Variants in UGT1A10 observed in about 807,000 individuals in gnomAD.
UGT1A10 encodes the protein UDP-glucuronosyltransferase 1A10.
In UGT1A10, 49 loss-of-function variants were observed where a neutral mutation model predicts 45.8. That is an observed-to-expected ratio of 1.07 (90% confidence interval 0.85 to 1.36). The LOEUF is 1.36. Ranked by LOEUF, UGT1A10 falls within the 40% of genes most tolerant of loss-of-function variation. UGT1A10 has a pLI of 0.00. For missense variants in UGT1A10, 745 were observed against 668.6 expected (o/e 1.11, Z -1.26); for synonymous variants, 284 against 249.7 (o/e 1.14, Z -1.29).
intron 1 of UGT1A10, chr2:233,682,808 T>C: frequency 6.3e-7 from 1 of 1,594,462 alleles, no homozygotes; most frequent in East Asian, 2.2e-5. Context: ...TTATCTCCCC[T>C]TTAGCACATT....
chr2:233,700,461 CT>C (rs2075565476), intron 1 of UGT1A10, among the ~76,000 whole-genome samples: 1 of 151,894 alleles, frequency 6.6e-6, no homozygotes, highest in South Asian at 2.1e-4. Context: ...AATGATTCAG[CT>C]AAAAAAAGTA....
At chr2:233,686,680 T>C (rs965383160) in intron 1 of UGT1A10, among the ~76,000 whole-genome samples, 37 of 152,208 alleles carry the variant, frequency 2.4e-4, no homozygotes, top group African/African-American at 8.9e-4. Context: ...ACTCAGGATA[T>C]TCTGGTGGTG....
Position 233,772,392 on chromosome 2 carries a change from C to T in UGT1A10, c.1426C>T (p.His476Tyr), listed in dbSNP as rs753109787. 4 of 1,614,252 alleles carry T rather than the reference C, an allele frequency of 2.5e-6. No homozygotes were observed. Among genetic ancestry groups the T allele is most frequent in the East Asian group, 2.2e-5 (1 of 44,876 alleles). ...KGAPHLRPAA[H>Y]DLTWYQYHSL... is the part of the protein sequence containing the mutation. Reference sequence around the variant, plus strand: ...CGCGCCACACCTGCGCCCCGCAGCCCACGACCTCACCTGGTACCAGTACCA... The same window carrying T: ...CGCGCCACACCTGCGCCCCGCAGCCTACGACCTCACCTGGTACCAGTACCA... Residue 476 changes from histidine (H) to tyrosine (Y), a missense_variant, in exon 5 of 5, where the codon CAC (histidine) becomes TAC (tyrosine). Coordinates refer to ENST00000344644, the MANE Select transcript of UGT1A10 (RefSeq NM_019075.4).
intron 1 of UGT1A10, among the ~76,000 whole-genome samples, chr2:233,701,994 C>T (rs1220437125): frequency 6.6e-6 from 1 of 152,050 alleles, no homozygotes; most frequent in South Asian, 2.1e-4. Flanking sequence ...TAACTAAGAT[C>T]AGAGCAGAAC....
At chr2:233,747,339 C>CA (rs1401880990) in intron 1 of UGT1A10, 116 of 1,603,228 alleles carry the variant, frequency 7.2e-5, no homozygotes, top group South Asian at 2.9e-4. Context: ...GCCACTGGCT[C>CA]GCATGCGGGA....
At chr2:233,646,099 C>G (rs1167950692) in intron 1 of UGT1A10, among the ~76,000 whole-genome samples, 1 of 152,234 alleles carries the variant, frequency 6.6e-6, no homozygotes, top group Non-Finnish European at 1.5e-5. Flanking sequence ...CACATGGAAG[C>G]TGCCAAGGCT....
intron 1 of UGT1A10, chr2:233,691,684 A>T: frequency 1.0e-6 from 1 of 957,208 alleles, no homozygotes. Flanking sequence ...GAGAAACCTG[A>T]AGCTCAGGAG....
intron 1 of UGT1A10, chr2:233,719,598 G>A (rs759062689): frequency 3.1e-6 from 5 of 1,613,992 alleles, no homozygotes; most frequent in Non-Finnish European, 2.5e-6. Flanking sequence ...GTTCCGAGGG[G>A]ACTTTGTGAT....
chr2:233,682,422 C>T, intron 1 of UGT1A10: 1 of 1,613,840 alleles, frequency 6.2e-7, no homozygotes, highest in Non-Finnish European at 8.5e-7. Context: ...AAATATTTCT[C>T]CCTCCCCTCT....
chr2:233,762,371 A>G (rs1296982558), intron 1 of UGT1A10, among the ~76,000 whole-genome samples: 2 of 152,236 alleles, frequency 1.3e-5, no homozygotes, highest in Non-Finnish European at 2.9e-5. Flanking sequence ...TTACATACCA[A>G]TATGTATATA....
Position 233,772,689 on chromosome 2 carries a change from A to G in UGT1A10, c.*130A>G. ...CTTTGCATAAATTAATCAGCCCCAG[A>G]GTGCTTTAAAAAATTCTCTTAAATA... On this transcript the variant is annotated 3_prime_UTR_variant, in exon 5 of 5. Transcript: ENST00000344644. 6.7e-7 allele frequency: 1 copy of G among 1,492,458 alleles called. No homozygotes were observed. Among genetic ancestry groups the G allele is most frequent in the Non-Finnish European group, 8.9e-7 (1 of 1,128,008 alleles). The allele number at this position is 1,492,458 out of a possible 1,614,324, so 92.5% of individuals were successfully genotyped here. A position where few individuals can be genotyped will look rare whatever the true frequency, so the allele number is the denominator to read the frequency against.
chr2:233,645,738 G>T (rs993964213), intron 1 of UGT1A10, among the ~76,000 whole-genome samples: 1 of 152,208 alleles, frequency 6.6e-6, no homozygotes, highest in Non-Finnish European at 1.5e-5. Context: ...CACCCCTGTG[G>T]CTTTGCAGGG....
At chr2:233,682,412 A>C in intron 1 of UGT1A10, 1 of 1,613,870 alleles carries the variant, frequency 6.2e-7, no homozygotes. Context: ...AATTGTTGCC[A>C]AATATTTCTC....
intron 1 of UGT1A10, among the ~76,000 whole-genome samples, chr2:233,639,202 T>C (rs2073383231): frequency 6.6e-6 from 1 of 152,232 alleles, no homozygotes; most frequent in Admixed American, 6.5e-5. Context: ...TGTAAATATC[T>C]TTTATGAGAT....
chr2:233,666,506 G>A (rs1171588845), intron 1 of UGT1A10, among the ~76,000 whole-genome samples: 2 of 151,872 alleles, frequency 1.3e-5, no homozygotes, highest in African/African-American at 4.8e-5. Flanking sequence ...GTTATTCTCT[G>A]TTCAAATCTT....
At chr2:233,682,225 T>C in intron 1 of UGT1A10, 1 of 1,614,246 alleles carries the variant, frequency 6.2e-7, no homozygotes, top group Non-Finnish European at 8.5e-7. Flanking sequence ...TTGCCGATGC[T>C]CGCTGGACGG....
chr2:233,706,733 A>G (rs2075921248), intron 1 of UGT1A10, among the ~76,000 whole-genome samples: 1 of 152,222 alleles, frequency 6.6e-6, no homozygotes, highest in African/African-American at 2.4e-5. Flanking sequence ...CAGGGTTGAC[A>G]GTGACTGTGA....
In UGT1A10 at chr2:233,739,453, T is replaced by C. The variant is rs547322370; in HGVS notation, c.856-27581T>C. On this transcript the variant is annotated intron_variant, in intron 1 of 4. Transcript: ENST00000344644. ...GGCTTTACCCTGCAAAGCCACAGGG[T>C]TGGAGCTGCCTGAGACCGTGGGAGC... 3.9e-5 allele frequency among the ~76,000 whole-genome samples: 6 copies of C among 152,290 alleles called. No homozygotes were observed. The East Asian group carries it at 5.8e-4, about 15-fold the overall frequency.
intron 1 of UGT1A10, among the ~76,000 whole-genome samples, chr2:233,715,455 G>C (rs2076453035): frequency 6.6e-6 from 1 of 151,790 alleles, no homozygotes; most frequent in African/African-American, 2.4e-5. Flanking sequence ...GTTATTTTTT[G>C]AATTCCCCAT....
Sources: gnomAD v4.1 joint callset for allele counts (sites outside exome capture counted in the v4.1 genomes callset) on GRCh38, gnomAD v4.1.1 for gene constraint, MANE v1.5 for transcripts, NCBI Gene and HGNC (gene_info 2026-07-23, HGNC 2026-07-21) for gene names.